OR6C70: variants seen among roughly 807,000 people sequenced by gnomAD.
OR6C70 encodes olfactory receptor family 6 subfamily C member 70.
For missense variants in OR6C70, 437 were observed against 357.5 expected (o/e 1.22, Z -1.79); for synonymous variants, 157 against 130.8 (o/e 1.20, Z -1.36).
Position 55,469,465 on chromosome 12 carries a change from T to C in OR6C70, c.674A>G (p.Lys225Arg). The change falls in exon 1 of 1, where the codon AAA becomes AGA. Residue 225 changes from lysine (K) to arginine (R), a missense_variant. Lys to Arg is a conservative substitution (Grantham distance 26). Transcript: ENST00000327335. ...CTTCTTTTGCTGAGCTGAAGGGAAT[T>C]TCAGAATTGTCTTGATGATGTAAGA... ...SYSYIIKTILKFPSAQQKKKA... is the reference protein window; with the variant it reads ...SYSYIIKTILRFPSAQQKKKA... 2 of 1,614,000 alleles carry C rather than the reference T, an allele frequency of 1.2e-6. No individual in the cohort carries two copies. The highest frequency in any genetic ancestry group is 4.5e-5 in the East Asian group (2 of 44,864).
chr12:55,469,740 G>A lies in OR6C70; in HGVS notation c.399C>T (p.Ile133=). ...AICKPLRYMS[I]MSNKVCYQLV... ...GCTGGTAGCAAACTTTGTTACTCAT[G>A]ATGGACATATAACGCAAAGGTTTGC... Residue 133 remains isoleucine (I), a synonymous_variant, in exon 1 of 1, where the codon ATC becomes ATT. Coordinates refer to ENST00000327335, the MANE Select transcript of OR6C70 (RefSeq NM_001005499.1). 1 of 1,614,052 alleles carries A rather than the reference G, an allele frequency of 6.2e-7. No homozygotes were observed. The highest frequency in any genetic ancestry group is 8.5e-7 in the Non-Finnish European group (1 of 1,179,964).
Position 55,469,976 on chromosome 12 carries a change from T to C in OR6C70, c.163A>G (p.Thr55Ala). 1.9e-6 allele frequency: 3 copies of C among 1,613,848 alleles called. No individual in the cohort carries two copies. The highest frequency in any genetic ancestry group is 2.5e-6 in the Non-Finnish European group (3 of 1,179,932). ...TTACGGAGGAAGAAATACATTGGAGTCTTGAGCTGGGAATCCAGCAGAATG... is the reference window on the plus strand; with the variant it reads ...TTACGGAGGAAGAAATACATTGGAGCCTTGAGCTGGGAATCCAGCAGAATG... ...ALILLDSQLKTPMYFFLRNFS... is the reference protein window; with the variant it reads ...ALILLDSQLKAPMYFFLRNFS... The change falls in exon 1 of 1, where the codon ACT (threonine) becomes GCT (alanine). Residue 55 changes from threonine (T) to alanine (A), a missense_variant. By Grantham distance (58) the Thr-to-Ala change is moderately conservative (BLOSUM62 0). Coordinates refer to ENST00000327335, the MANE Select transcript of OR6C70 (RefSeq NM_001005499.1).
chr12:55,469,888 A>G lies in OR6C70; in HGVS notation c.251T>C (p.Val84Ala). 6.2e-7 allele frequency: 1 copy of G among 1,614,066 alleles called. No individual in the cohort carries two copies. Among genetic ancestry groups the G allele is most frequent in the African/African-American group, 1.3e-5 (1 of 75,036 alleles). ...ACAGGAAATGGTCTTTTCCCTGGTA[A>G]CAATGGTGATTAGGAATCTGGGAAT... is the stretch of plus-strand genomic sequence containing the variant. ...ACIPRFLITI[V>A]TREKTISCNG... Residue 84 changes from valine to alanine, a missense_variant, in exon 1 of 1, where the codon GTT becomes GCT. Coordinates refer to ENST00000327335, the MANE Select transcript of OR6C70 (RefSeq NM_001005499.1).
At position 55,469,481 on chromosome 12, in the gene OR6C70, T is replaced by C. The variant is rs764306375; in HGVS notation, c.658A>G (p.Ile220Val). 4 of 1,614,034 alleles carry C rather than the reference T, an allele frequency of 2.5e-6. No individual in the cohort carries two copies. Among genetic ancestry groups the C allele is most frequent in the Admixed American group, 3.3e-5 (2 of 60,028 alleles). ...FLVILSYSYI[I>V]KTILKFPSAQ... Reference sequence around the variant, plus strand: ...GAAGGGAATTTCAGAATTGTCTTGATGATGTAAGAGTAAGAAAGGATTACT... The same window carrying C: ...GAAGGGAATTTCAGAATTGTCTTGACGATGTAAGAGTAAGAAAGGATTACT... The change falls in exon 1 of 1, where the codon ATC (isoleucine) becomes GTC (valine). Residue 220 changes from isoleucine to valine, a missense_variant. Physicochemically the swap from Ile to Val is conservative, Grantham distance 29 (BLOSUM62 3). Transcript: ENST00000327335.
In OR6C70 at chr12:55,470,135, T is replaced by C; in HGVS notation, c.4A>G (p.Lys2Glu). 6.4e-7 allele frequency: 1 copy of C among 1,568,248 alleles called. No individual in the cohort carries two copies. Among genetic ancestry groups the C allele is most frequent in the Non-Finnish European group, 8.7e-7 (1 of 1,153,960 alleles). Residue 2 changes from lysine (K) to glutamate (E), a missense_variant, in exon 1 of 1, where the codon AAG becomes GAG. Physicochemically the swap from Lys to Glu is moderately conservative, Grantham distance 56. Transcript: ENST00000327335. ...AATTCTATCTGCCTTGTATGATTCTTCATTTCTCTGTTGTGATTTCAATCA... is the reference window on the plus strand; with the variant it reads ...AATTCTATCTGCCTTGTATGATTCTCCATTTCTCTGTTGTGATTTCAATCA... M[K>E]NHTRQIEFIL...
rs1237915309 is a variant in OR6C70 at position 55,469,388 on chromosome 12, C to A, written c.751G>T (p.Gly251Cys). Residue 251 changes from glycine (G) to cysteine (C), a missense_variant, in exon 1 of 1, where the codon GGT becomes TGT. Coordinates refer to ENST00000327335, the MANE Select transcript of OR6C70 (RefSeq NM_001005499.1). ...TTTATGTAGATAAACATACAACTAC[C>A]ATAAGTGATGGAGACAACAATCATG... is the stretch of plus-strand genomic sequence containing the variant. ...SHMIVVSITY[G>C]SCMFIYIKPS... 1.2e-6 allele frequency: 2 copies of A among 1,613,782 alleles called. No homozygotes were observed. The highest frequency in any genetic ancestry group is 8.5e-7 in the Non-Finnish European group (1 of 1,179,918).
rs1871892605 is a variant in OR6C70, at chr12:55,469,409, T to C, written c.730A>G (p.Ile244Val). Residue 244 changes from isoleucine to valine, a missense_variant, in exon 1 of 1, where the codon ATT becomes GTT. Physicochemically the swap from Ile to Val is conservative, Grantham distance 29 (BLOSUM62 3). Coordinates refer to ENST00000327335, the MANE Select transcript of OR6C70 (RefSeq NM_001005499.1). ...CTACCATAAGTGATGGAGACAACAA[T>C]CATGTGAGAAGAGCAGGTGGAAAAG... ...KAFSTCSSHMIVVSITYGSCM... is the reference protein window; with the variant it reads ...KAFSTCSSHMVVVSITYGSCM... 3 of 1,613,828 alleles carry C rather than the reference T, an allele frequency of 1.9e-6. No homozygotes were observed. The highest frequency in any genetic ancestry group is 2.5e-6 in the Non-Finnish European group (3 of 1,179,892).
rs200252053 is a variant in OR6C70 at position 55,469,768 on chromosome 12, A to G, written c.371T>C (p.Ile124Thr). ...AALSYDRYVAICKPLRYMSIM... is the reference protein window; with the variant it reads ...AALSYDRYVATCKPLRYMSIM... ...GGACATATAACGCAAAGGTTTGCAG[A>G]TGGCAACATAGCGATCATAGGACAG... Residue 124 changes from isoleucine (I) to threonine (T), a missense_variant, in exon 1 of 1, where the codon ATC becomes ACC. Transcript: ENST00000327335. 1,000 of 1,614,144 alleles carry G rather than the reference A, an allele frequency of 6.2e-4. 5 individuals are homozygous for G. The highest frequency in any genetic ancestry group is 1.2e-4 in the Non-Finnish European group (146 of 1,179,984).
rs978207655 is a variant in OR6C70 at position 55,469,515 on chromosome 12, T to G, written c.624A>C (p.Thr208=). ...AGTAAGAAAGGATTACTAAAAACAA[T>G]GTGACAATAAGTGTCATCACAGCTA... The part of the protein sequence containing the change: ...FLLAVMTLIV[T]LFLVILSYSY... The change falls in exon 1 of 1, where the codon ACA becomes ACC. Residue 208 remains threonine, a synonymous_variant. Coordinates refer to ENST00000327335, the MANE Select transcript of OR6C70 (RefSeq NM_001005499.1). 4 of 1,613,862 alleles carry G rather than the reference T, an allele frequency of 2.5e-6. No individual in the cohort carries two copies. Among genetic ancestry groups the G allele is most frequent in the Admixed American group, 1.7e-5 (1 of 59,998 alleles).
chr12:55,469,540 A>C lies in OR6C70; in HGVS notation c.599T>G (p.Leu200Ter). 1 of 1,613,584 alleles carries C rather than the reference A, an allele frequency of 6.2e-7. No individual in the cohort carries two copies. ...THLLELIAFL[L>*]AVMTLIVTLF... is the part of the protein sequence containing the mutation. ...TGTGACAATAAGTGTCATCACAGCT[A>C]ATAAAAAGGCAATCAGTTCCAGTAA... Residue 200 changes from leucine to a stop codon, truncating the protein, a stop_gained, in exon 1 of 1, where the codon TTA becomes TGA. Transcript: ENST00000327335. LOFTEE classifies it low-confidence loss of function (END_TRUNC).
In OR6C70 at chr12:55,469,972, G is replaced by A. The variant is rs1259002341; in HGVS notation, c.167C>T (p.Pro56Leu). 1.9e-6 allele frequency: 3 copies of A among 1,614,076 alleles called. No homozygotes were observed. Among genetic ancestry groups the A allele is most frequent in the Non-Finnish European group, 2.5e-6 (3 of 1,179,968 alleles). Residue 56 changes from proline to leucine, a missense_variant, in exon 1 of 1, where the codon CCA becomes CTA. Coordinates refer to ENST00000327335, the MANE Select transcript of OR6C70 (RefSeq NM_001005499.1). ...LILLDSQLKT[P>L]MYFFLRNFSF... The stretch of plus-strand genomic sequence containing the variant: ...GAAATTACGGAGGAAGAAATACATT[G>A]GAGTCTTGAGCTGGGAATCCAGCAG...
Position 55,469,786 on chromosome 12 carries a change from T to C in OR6C70, c.353A>G (p.Tyr118Cys), listed in dbSNP as rs763987276. ...TEFFLLAALSYDRYVAICKPL... is the reference protein window; with the variant it reads ...TEFFLLAALSCDRYVAICKPL... ...TTTGCAGATGGCAACATAGCGATCA[T>C]AGGACAGAGCAGCTAGAAGGAAAAA... The change falls in exon 1 of 1, where the codon TAT becomes TGT. Residue 118 changes from tyrosine (Y) to cysteine (C), a missense_variant. Coordinates refer to ENST00000327335, the MANE Select transcript of OR6C70 (RefSeq NM_001005499.1). The C allele has an allele frequency of 6.2e-7, 1 of 1,614,028 alleles. No individual in the cohort carries two copies. Among genetic ancestry groups the C allele is most frequent in the South Asian group, 1.1e-5 (1 of 91,074 alleles).
At position 55,469,264 on chromosome 12, in the gene OR6C70, T is replaced by A. The variant is rs760042715; in HGVS notation, c.875A>T (p.Asn292Ile). The A allele has an allele frequency of 6.2e-7, 1 of 1,613,408 alleles. No homozygotes were observed. Among genetic ancestry groups the A allele is most frequent in the South Asian group, 1.1e-5 (1 of 91,046 alleles). ...TTTGAAGGCTTGTTTAACTTGCTGA[T>A]TCCTCAGAGTATAAATAAATGGGTT... ...LLNPFIYTLR[N>I]QQVKQAFKAV... Residue 292 changes from asparagine (N) to isoleucine (I), a missense_variant, in exon 1 of 1, where the codon AAT becomes ATT. Coordinates refer to ENST00000327335, the MANE Select transcript of OR6C70 (RefSeq NM_001005499.1).
Position 55,469,388 on chromosome 12 carries a change from C to T in OR6C70, c.751G>A (p.Gly251Ser). The change falls in exon 1 of 1, where the codon GGT (glycine) becomes AGT (serine). Residue 251 changes from glycine (G) to serine (S), a missense_variant. Physicochemically the swap from Gly to Ser is moderately conservative, Grantham distance 56. Transcript: ENST00000327335. Reference protein sequence around the residue: ...SHMIVVSITYGSCMFIYIKPS... With the variant: ...SHMIVVSITYSSCMFIYIKPS... ...TTTATGTAGATAAACATACAACTAC[C>T]ATAAGTGATGGAGACAACAATCATG... The T allele has an allele frequency of 6.2e-7, 1 of 1,613,900 alleles. No homozygotes were observed. Among genetic ancestry groups the T allele is most frequent in the Non-Finnish European group, 8.5e-7 (1 of 1,179,910 alleles).
chr12:55,469,443 C>T lies in OR6C70; in HGVS notation c.696G>A (p.Lys232=). The T allele has an allele frequency of 4.3e-6, 7 of 1,613,956 alleles. No homozygotes were observed. The highest frequency in any genetic ancestry group is 5.9e-6 in the Non-Finnish European group (7 of 1,179,898). Residue 232 remains lysine, a synonymous_variant, in exon 1 of 1, where the codon AAG becomes AAA. Coordinates refer to ENST00000327335, the MANE Select transcript of OR6C70 (RefSeq NM_001005499.1). ...TILKFPSAQQ[K]KKAFSTCSSH... is the part of the protein sequence containing the mutation. ...AAGAGCAGGTGGAAAAGGCTTTCTT[C>T]TTTTGCTGAGCTGAAGGGAATTTCA...
chr12:55,469,586 G>C lies in OR6C70; in HGVS notation c.553C>G (p.Leu185Val). The C allele has an allele frequency of 6.2e-7, 1 of 1,613,748 alleles. No homozygotes were observed. Among genetic ancestry groups the C allele is most frequent in the Non-Finnish European group, 8.5e-7 (1 of 1,179,670 alleles). ...FICDISLILQ[L>V]SCSDTHLLEL... ...AGTAAATGTGTGTCTGAGCAAGAAA[G>C]TTGTAGGATAAGAGAAATGTCACAA... The change falls in exon 1 of 1, where the codon CTT (leucine) becomes GTT (valine). Residue 185 changes from leucine to valine, a missense_variant. Coordinates refer to ENST00000327335, the MANE Select transcript of OR6C70 (RefSeq NM_001005499.1).
At position 55,469,608 on chromosome 12, in the gene OR6C70, A is replaced by T; in HGVS notation, c.531T>A (p.Cys177Ter). The change falls in exon 1 of 1, where the codon TGT becomes TGA. Residue 177 changes from cysteine (C) to a stop codon, truncating the protein, a stop_gained. Transcript: ENST00000327335. LOFTEE classifies it low-confidence loss of function (END_TRUNC). The stretch of plus-strand genomic sequence containing the variant: ...AAAGTTGTAGGATAAGAGAAATGTC[A>T]CAAATGAAATGATCAATGATATTTG... ...CASNIIDHFICDISLILQLSC... is the reference protein window; with the variant it reads ...CASNIIDHFI 1 of 1,613,928 alleles carries T rather than the reference A, an allele frequency of 6.2e-7. No homozygotes were observed. Among genetic ancestry groups the T allele is most frequent in the Non-Finnish European group, 8.5e-7 (1 of 1,179,804 alleles).
At position 55,469,560 on chromosome 12, in the gene OR6C70, C is replaced by T. The variant is rs1305867361; in HGVS notation, c.579G>A (p.Leu193=). The change falls in exon 1 of 1, where the codon CTG becomes CTA. Residue 193 remains leucine (L), a synonymous_variant. Coordinates refer to ENST00000327335, the MANE Select transcript of OR6C70 (RefSeq NM_001005499.1). The part of the protein sequence containing the change: ...LQLSCSDTHL[L]ELIAFLLAVM... ...CAGCTAATAAAAAGGCAATCAGTTC[C>T]AGTAAATGTGTGTCTGAGCAAGAAA... The T allele has an allele frequency of 6.2e-7, 1 of 1,613,342 alleles. No individual in the cohort carries two copies. Among genetic ancestry groups the T allele is most frequent in the Admixed American group, 1.7e-5 (1 of 60,010 alleles).
Position 55,469,740 on chromosome 12 carries a change from G to T in OR6C70, c.399C>A (p.Ile133=). 1 of 1,614,052 alleles carries T rather than the reference G, an allele frequency of 6.2e-7. No homozygotes were observed. The highest frequency in any genetic ancestry group is 8.5e-7 in the Non-Finnish European group (1 of 1,179,964). ...AICKPLRYMS[I]MSNKVCYQLV... ...GCTGGTAGCAAACTTTGTTACTCAT[G>T]ATGGACATATAACGCAAAGGTTTGC... Residue 133 remains isoleucine (I), a synonymous_variant, in exon 1 of 1, where the codon ATC becomes ATA. Coordinates refer to ENST00000327335, the MANE Select transcript of OR6C70 (RefSeq NM_001005499.1).
Sources: allele counts gnomAD v4.1 joint callset, GRCh38; gene constraint gnomAD v4.1.1; transcripts MANE v1.5; gene names NCBI Gene and HGNC (gene_info 2026-07-23, HGNC 2026-07-21).